SCCPDH: variants seen among roughly 807,000 people sequenced by gnomAD.
SCCPDH encodes saccharopine dehydrogenase (putative).
SCCPDH carries 34 observed loss-of-function variants against 51.5 expected under a neutral mutation model. The ratio of observed to expected loss-of-function variants is 0.66; its 90% CI spans 0.50 to 0.88. SCCPDH has a LOEUF of 0.88. Among genes scored for constraint, SCCPDH ranks in the 40% least tolerant of loss-of-function variants. SCCPDH has a pLI of 0.00. For synonymous variants in SCCPDH, 187 were observed against 191.3 expected (o/e 0.98, Z 0.19); for missense variants, 464 against 527.1 (o/e 0.88, Z 1.17).
chr1:246,747,818 G>A (rs367654049), intron 5 of SCCPDH, among the ~76,000 whole-genome samples: 5 of 152,302 alleles, frequency 3.3e-5, no homozygotes, highest in African/African-American at 9.6e-5. Flanking sequence ...GACCAAGGGT[G>A]ACTAAGATCA....
At chr1:246,729,416 G>A (rs539414013) in intron 2 of SCCPDH, among the ~76,000 whole-genome samples, 33 of 151,258 alleles carry the variant, frequency 2.2e-4, no homozygotes, top group African/African-American at 7.5e-4. Flanking sequence ...ACCTCCCCCT[G>A]GGAATGCATT....
At chr1:246,748,677 C>T (rs1311393900) in intron 5 of SCCPDH, among the ~76,000 whole-genome samples, 1 of 152,092 alleles carries the variant, frequency 6.6e-6, no homozygotes, top group Non-Finnish European at 1.5e-5. Context: ...TATTTGATCT[C>T]GAGATTTAAA....
chr1:246,752,929 G>A lies in SCCPDH; in HGVS notation c.565-5297G>A, dbSNP rs148293978. Among the ~76,000 whole-genome samples, 959 of 151,896 alleles carry A rather than the reference G, an allele frequency of 6.3e-3. 20 individuals are homozygous for A. In the South Asian group the frequency reaches 0.077, roughly 12 times the overall value. ...GACCTATTTTTAATTCGAAACATTT[G>A]TTTTGTCCTCTTTCTCTCCCTTTGC... On this transcript the variant is annotated intron_variant, in intron 5 of 11. Coordinates refer to ENST00000366510, the MANE Select transcript of SCCPDH (RefSeq NM_016002.3).
chr1:246,733,874 C>T (rs536458291), intron 2 of SCCPDH, among the ~76,000 whole-genome samples: 19 of 152,202 alleles, frequency 1.2e-4, no homozygotes, highest in Non-Finnish European at 2.5e-4. Flanking sequence ...CCTGTGCTCT[C>T]ACTGGTCCTG....
intron 3 of SCCPDH, among the ~76,000 whole-genome samples, chr1:246,739,959 T>A (rs1668653709): frequency 6.6e-6 from 1 of 152,186 alleles, no homozygotes; most frequent in African/African-American, 2.4e-5. Flanking sequence ...TGTCATACAG[T>A]CAGACGAGCA....
rs1013641425 is a variant in SCCPDH at position 246,765,962 on chromosome 1, T to C, written c.1103-96T>C. On this transcript the variant is annotated intron_variant, in intron 10 of 11. Transcript: ENST00000366510. ...ATCTATTGAAAAAAATCTGCACACC[T>C]AGAGTAAGATATAAAATCTACCATT... is the stretch of plus-strand genomic sequence containing the variant. 11 of 792,396 alleles carry C rather than the reference T, an allele frequency of 1.4e-5. No individual in the cohort carries two copies. The Admixed American group carries it at 2.7e-4, about 19-fold the overall frequency. The allele number at this position is 792,396 out of a possible 1,614,324, so 49.1% of individuals were successfully genotyped here. A position where few individuals can be genotyped will look rare whatever the true frequency, so the allele number is the denominator to read the frequency against.
chr1:246,748,410 G>T (rs577700230), intron 5 of SCCPDH, among the ~76,000 whole-genome samples: 38 of 152,194 alleles, frequency 2.5e-4, no homozygotes, highest in Non-Finnish European at 4.7e-4. Flanking sequence ...GCTCCCAGTG[G>T]GGGTAGTGTT....
At chr1:246,743,396 A>C (rs1166896657) in intron 4 of SCCPDH, among the ~76,000 whole-genome samples, 1 of 151,858 alleles carries the variant, frequency 6.6e-6, no homozygotes, top group Non-Finnish European at 1.5e-5. Flanking sequence ...CATCCTGGCC[A>C]ATATGGTGAA....
chr1:246,764,111 C>T (rs529178643), intron 9 of SCCPDH, 135 bp from the exon 10 acceptor site: 28 of 560,024 alleles, frequency 5.0e-5, no homozygotes, highest in Middle Eastern at 5.3e-4. Context: ...TAAATGATGA[C>T]GGGATATTCT....
intron 2 of SCCPDH, among the ~76,000 whole-genome samples, chr1:246,728,234 ATAT>A (rs1470537616): frequency 6.6e-6 from 1 of 152,250 alleles, no homozygotes; most frequent in Non-Finnish European, 1.5e-5. Context: ...AATATCTAAA[ATAT>A]TAATAATTTT....
In SCCPDH at chr1:246,727,000, G is replaced by A; in HGVS notation, c.299G>A (p.Gly100Glu). 6.2e-7 allele frequency: 1 copy of A among 1,600,024 alleles called. No individual in the cohort carries two copies. The highest frequency in any genetic ancestry group is 8.6e-7 in the Non-Finnish European group (1 of 1,167,158). The stretch of plus-strand genomic sequence containing the variant: ...GCAACAGTTGTCCTCAATTGCGTAG[G>A]ACCAGTAAGTAATCAACCCTTCTTT... ...KQATVVLNCV[G>E]PYRFYGEPVI... The change falls in exon 2 of 12, where the codon GGA (glycine) becomes GAA (glutamate). Residue 100 changes from glycine to glutamate, a missense_variant. Coordinates refer to ENST00000366510, the MANE Select transcript of SCCPDH (RefSeq NM_016002.3).
intron 2 of SCCPDH, among the ~76,000 whole-genome samples, chr1:246,732,317 T>G (rs1176331703): frequency 6.6e-6 from 1 of 151,996 alleles, no homozygotes; most frequent in African/African-American, 2.4e-5. Context: ...GGAGACTGAT[T>G]TGAGATAATT....
In SCCPDH at chr1:246,767,141, T is replaced by C. The variant is rs1046354042; in HGVS notation, c.1185-54T>C. The C allele has an allele frequency of 8.7e-6, 11 of 1,258,934 alleles. No individual in the cohort carries two copies. In the African/African-American group the frequency reaches 1.1e-4, roughly 12 times the overall value. 78.0% of individuals were successfully genotyped at this position (1,258,934 alleles called of 1,614,324 possible). On this transcript the variant is annotated intron_variant, in intron 11 of 11. Coordinates refer to ENST00000366510, the MANE Select transcript of SCCPDH (RefSeq NM_016002.3). ...CAATTTGATAGTGAGGCCTGTGAAA[T>C]AGGAGACTGGAGAGGAGCTGAGTGC... is the stretch of plus-strand genomic sequence containing the variant.
chr1:246,763,980 G>A lies in SCCPDH; in HGVS notation c.991-266G>A, dbSNP rs572469922. Among the ~76,000 whole-genome samples, 5 of 151,490 alleles carry A rather than the reference G, an allele frequency of 3.3e-5. No homozygotes were observed. The South Asian group carries it at 6.2e-4, about 19-fold the overall frequency. On this transcript the variant is annotated intron_variant, in intron 9 of 11. Transcript: ENST00000366510. The stretch of plus-strand genomic sequence containing the variant: ...ACCAGATTTCTATATTCTGCCCCCC[G>A]ATAAAAACTATCTCCAGATCATCTT...
chr1:246,746,617 G>T (rs941053061), intron 5 of SCCPDH, among the ~76,000 whole-genome samples: 1 of 152,170 alleles, frequency 6.6e-6, no homozygotes, highest in South Asian at 2.1e-4. Flanking sequence ...GAGGCAGATG[G>T]ATCACTTGAG....
intron 2 of SCCPDH, among the ~76,000 whole-genome samples, chr1:246,728,101 TGTAC>T (rs1668430663): frequency 6.6e-6 from 1 of 152,180 alleles, no homozygotes; most frequent in Non-Finnish European, 1.5e-5. Context: ...CTTTTGCTGT[TGTAC>T]TGTGAAAAAG....
At chr1:246,730,570 T>C (rs746188391) in intron 2 of SCCPDH, among the ~76,000 whole-genome samples, 3 of 152,258 alleles carry the variant, frequency 2.0e-5, no homozygotes, top group Admixed American at 6.5e-5. Context: ...TGCTGTGTCC[T>C]GTCTTCAACA....
At chr1:246,741,754 A>G (rs888956709) in intron 4 of SCCPDH, among the ~76,000 whole-genome samples, 2 of 152,178 alleles carry the variant, frequency 1.3e-5, no homozygotes, top group African/African-American at 2.4e-5. Context: ...ATTTTTAGGA[A>G]TAGAATAGTT....
rs1398355117 is a variant in SCCPDH, at chr1:246,767,370, C to G, written c.*70C>G. 1.2e-6 allele frequency: 1 copy of G among 858,806 alleles called. No homozygotes were observed. The highest frequency in any genetic ancestry group is 1.7e-6 in the Non-Finnish European group (1 of 577,508). 53.2% of individuals were successfully genotyped at this position (858,806 alleles called of 1,614,324 possible). ...GCTTCTCTATTTGATATTTGAAATT[C>G]TTCTGTAAGCCTGTCTGAGTGTATG... On this transcript the variant is annotated 3_prime_UTR_variant, in exon 12 of 12. Coordinates refer to ENST00000366510, the MANE Select transcript of SCCPDH (RefSeq NM_016002.3).
Sources: gnomAD v4.1 joint callset for allele counts (sites outside exome capture counted in the v4.1 genomes callset) on GRCh38, gnomAD v4.1.1 for gene constraint, MANE v1.5 for transcripts, NCBI Gene and HGNC (gene_info 2026-07-23, HGNC 2026-07-21) for gene names.